The following NEB variants were observed in gnomAD, a reference collection of about 807,000 sequenced individuals.
NEB encodes nemaline myopathy type 2.
In NEB, 512 loss-of-function variants were observed where a neutral mutation model predicts 952.2. That is an observed-to-expected ratio of 0.54 (90% CI 0.50 to 0.58). The LOEUF (loss-of-function observed/expected upper bound fraction) is 0.58, where lower values mean the gene tolerates loss of function less well. NEB is among the 20% of genes least tolerant of loss of function. The pLI, the probability that NEB is intolerant of heterozygous loss-of-function variation, is 0.00. For synonymous variants in NEB, 2,900 were observed against 3,149.8 expected, an observed-to-expected ratio of 0.92 and a Z score of 2.66; for missense variants, 8,428 against 9,231.1, an observed-to-expected ratio of 0.91 and a Z score of 3.56.
In NEB at chr2:151,627,178, G is replaced by A. The variant is rs1447971037; in HGVS notation, c.10171C>T (p.Leu3391=). Residue 3391 remains leucine (L), a synonymous_variant, in exon 70 of 182, where the codon CTG becomes TTG. Coordinates refer to ENST00000397345, the MANE Select transcript of NEB (RefSeq NM_001164508.2). ...ATGGGGACCCAGCCAATGCCTCTCA[G>A]CCACTGGAGATCAGATTTGTAAATG... The part of the protein sequence containing the change: ...DNIYKSDLQW[L]RGIGWVPIGS... The A allele has an allele frequency of 1.6e-5, 26 of 1,613,754 alleles. No individual in the cohort carries two copies. Among genetic ancestry groups the A allele is most frequent in the Non-Finnish European group, 1.8e-5 (21 of 1,179,852 alleles).
At chr2:151,500,443 TAG>T (rs1491155141) in intron 168 of NEB, among the ~76,000 whole-genome samples, 6 of 151,810 alleles carry the variant, frequency 4.0e-5, no homozygotes, top group African/African-American at 1.5e-4. Context: ...ATTTGTGTGT[TAG>T]AGTTTTTCAG....
intron 39 of NEB, among the ~76,000 whole-genome samples, chr2:151,668,507 T>C (rs1326682268): frequency 2.6e-5 from 4 of 152,176 alleles, no homozygotes; most frequent in African/African-American, 9.6e-5. Context: ...CCAAGTTTTA[T>C]TATGTTTTTA....
intron 9 of NEB, among the ~76,000 whole-genome samples, chr2:151,717,905 A>G (rs2150368399): frequency 6.9e-6 from 1 of 145,622 alleles, no homozygotes; most frequent in South Asian, 2.1e-4. Context: ...CCAGGCTGGA[A>G]TGCAGTAGCG....
intron 40 of NEB, 109 bp from the exon 41 acceptor site, chr2:151,666,510 A>C (rs1237157060): frequency 9.3e-7 from 1 of 1,079,696 alleles, no homozygotes; most frequent in Non-Finnish European, 1.3e-6. Context: ...AATCTAGGTA[A>C]CATCGAAGTT....
intron 107 of NEB, among the ~76,000 whole-genome samples, chr2:151,572,538 G>A (rs2096671502): frequency 7.1e-6 from 1 of 139,962 alleles, no homozygotes; most frequent in Non-Finnish European, 1.5e-5. Context: ...ATATATAAAA[G>A]TATATATATA....
chr2:151,695,855 T>C (rs146497711), intron 17 of NEB, among the ~76,000 whole-genome samples, 173 bp from the exon 18 acceptor site: 42 of 152,292 alleles, frequency 2.8e-4, no homozygotes, highest in African/African-American at 1.0e-3. Context: ...TTGGCAGCTA[T>C]TATCACATCT....
chr2:151,569,800 G>A (rs2096563207), intron 109 of NEB, among the ~76,000 whole-genome samples: 1 of 152,136 alleles, frequency 6.6e-6, no homozygotes, highest in Admixed American at 6.5e-5. Context: ...CTGGATATAA[G>A]CCTCTATTGC....
Position 151,563,707 on chromosome 2 carries a change from CTTTGT to C in NEB, c.18587_18591del (p.Tyr6196Ter). On this transcript the variant is annotated frameshift_variant, in exon 119 of 182. Coordinates refer to ENST00000397345, the MANE Select transcript of NEB (RefSeq NM_001164508.2). LOFTEE classifies it high-confidence loss of function. ...TGACCTTTCTGCTTCTCATATGTCT[CTTTGT>C]ATTTAAGCTGTAAAGTGGGTTAAAC... 6.2e-7 allele frequency: 1 copy of C among 1,613,622 alleles called. No individual in the cohort carries two copies. Among genetic ancestry groups the C allele is most frequent in the Non-Finnish European group, 8.5e-7 (1 of 1,179,574 alleles).
rs1442285194 is a variant in NEB, at chr2:151,526,281, G to A, written c.21946-19C>T. 1.3e-6 allele frequency: 2 copies of A among 1,543,084 alleles called. No individual in the cohort carries two copies. The highest frequency in any genetic ancestry group is 1.8e-6 in the Non-Finnish European group (2 of 1,122,682). ...ATTTCAGCTTCAGGGGCAGGAAAAG[G>A]GGCATTTCTTTAGCTCTGCTGGATA... is the stretch of plus-strand genomic sequence containing the variant. On this transcript the variant is annotated intron_variant, in intron 148 of 181. Transcript: ENST00000397345.
intron 54 of NEB, among the ~76,000 whole-genome samples, chr2:151,648,383 A>G (rs1326989447): frequency 6.6e-6 from 1 of 152,204 alleles, no homozygotes; most frequent in Non-Finnish European, 1.5e-5. Flanking sequence ...GTTAATTTCC[A>G]TATGTGTGTA....
At chr2:151,685,086 G>A in intron 27 of NEB, 111 bp from the exon 28 acceptor site, 1 of 1,195,494 alleles carries the variant, frequency 8.4e-7, no homozygotes, top group South Asian at 1.5e-5. Context: ...TCAAACATCT[G>A]AGTAGTTATT....
chr2:151,622,472 A>G (rs1327118513), intron 71 of NEB, among the ~76,000 whole-genome samples: 6 of 152,226 alleles, frequency 3.9e-5, no homozygotes, highest in Non-Finnish European at 1.5e-5. Context: ...CAAAACTTCA[A>G]ACTTACAGAA....
intron 10 of NEB, chr2:151,716,232 G>A (rs1013856249): frequency 1.1e-4 from 38 of 350,146 alleles, no homozygotes; most frequent in Non-Finnish European, 1.8e-4. Context: ...TCCGCTTCCC[G>A]GGATCAAGTG....
rs773216898 is a variant in NEB at position 151,680,753 on chromosome 2, T to C, written c.3019A>G (p.Ile1007Val). The change falls in exon 30 of 182, where the codon ATT becomes GTT. Residue 1007 changes from isoleucine to valine, a missense_variant. Transcript: ENST00000397345. Reference protein sequence around the residue: ...EDAPITVQSKINQAQRSDIAY... With the variant: ...EDAPITVQSKVNQAQRSDIAY... ...ACATCACTCCTCTGGGCCTGGTTAATTTTAGACTGTACTGTAATTGGAGCA... is the reference window on the plus strand; with the variant it reads ...ACATCACTCCTCTGGGCCTGGTTAACTTTAGACTGTACTGTAATTGGAGCA... 1 of 1,610,304 alleles carries C rather than the reference T, an allele frequency of 6.2e-7. No individual in the cohort carries two copies. The highest frequency in any genetic ancestry group is 2.2e-5 in the East Asian group (1 of 44,832).
chr2:151,549,617 TGAG>T lies in NEB; in HGVS notation c.20049+16_20049+18del. 2 of 1,509,716 alleles carry T rather than the reference TGAG, an allele frequency of 1.3e-6. No individual in the cohort carries two copies. Among genetic ancestry groups the T allele is most frequent in the Non-Finnish European group, 1.8e-6 (2 of 1,099,664 alleles). 93.5% of individuals were successfully genotyped at this position (1,509,716 alleles called of 1,614,324 possible). A position where few individuals can be genotyped will look rare whatever the true frequency, so the allele number is the denominator to read the frequency against. ...CACCCCACCTTCAGACCCATCTCAA[TGAG>T]GAGGAGACCACTCACATAACTGCTC... On this transcript the variant is annotated intron_variant, in intron 130 of 181. Transcript: ENST00000397345.
rs142886286 is a variant in NEB, at chr2:151,502,293, C to A, written c.23928+500G>T. On this transcript the variant is annotated intron_variant, in intron 167 of 181. Coordinates refer to ENST00000397345, the MANE Select transcript of NEB (RefSeq NM_001164508.2). ...GTGTATACTGCTTGGGTGATGGGTGCACCAAAATCTCACAAGTCACCACTA... is the reference window on the plus strand; with the variant it reads ...GTGTATACTGCTTGGGTGATGGGTGAACCAAAATCTCACAAGTCACCACTA... Among the ~76,000 whole-genome samples the A allele has an allele frequency of 9.5e-3, 1,448 of 151,844 alleles. 9 individuals carry two copies. Among genetic ancestry groups the A allele is most frequent in the South Asian group, 0.028 (134 of 4,806 alleles).
At chr2:151,728,482 C>T (rs2099797289) in intron 4 of NEB, among the ~76,000 whole-genome samples, 1 of 152,124 alleles carries the variant, frequency 6.6e-6, no homozygotes, top group South Asian at 2.1e-4. Flanking sequence ...ATTCCCTTGG[C>T]TTAGTCAGTT....
intron 10 of NEB, 115 bp from the exon 11 acceptor site, chr2:151,710,653 G>T: frequency 1.6e-6 from 1 of 613,274 alleles, no homozygotes; most frequent in Non-Finnish European, 2.7e-6. Context: ...CCATTCTTAG[G>T]TCCTTAATAA....
At chr2:151,659,004 T>G in intron 47 of NEB, 61 bp downstream of exon 47, 1 of 1,153,192 alleles carries the variant, frequency 8.7e-7, no homozygotes, top group Non-Finnish European at 1.3e-6. Context: ...ATTAATTAAT[T>G]TGTTCTTACT....
Sources: gnomAD v4.1 joint callset for allele counts (sites outside exome capture counted in the v4.1 genomes callset) on GRCh38, gnomAD v4.1.1 for gene constraint, MANE v1.5 for transcripts, NCBI Gene and HGNC (gene_info 2026-07-23, HGNC 2026-07-21) for gene names.